The following PEX7 variants were observed in gnomAD, a reference collection of about 807,000 sequenced individuals.
PEX7 encodes the protein PTS2 receptor.
Under a neutral mutation model 47.5 loss-of-function variants are expected in PEX7, and 34 were observed. The observed-to-expected ratio is 0.72, with a 90% CI of 0.54 to 0.95. The LOEUF is 0.95. PEX7 is among the 40% of genes least tolerant of loss of function. The pLI is 0.00. For missense variants in PEX7, 394 were observed against 400.3 expected (o/e 0.98, Z 0.13); for synonymous variants, 141 against 148.8 (o/e 0.95, Z 0.38).
intron 8 of PEX7, among the ~76,000 whole-genome samples, chr6:136,895,218 A>G (rs1775628507): frequency 6.6e-6 from 1 of 152,216 alleles, no homozygotes; most frequent in Admixed American, 6.5e-5. Context: ...GTTGCTAATT[A>G]GAGAGTGAGA....
chr6:136,826,460 C>G lies in PEX7; in HGVS notation c.330C>G (p.His110Gln), dbSNP rs199648976. The G allele has an allele frequency of 3.1e-6, 5 of 1,613,828 alleles. No individual in the cohort carries two copies. The highest frequency in any genetic ancestry group is 1.7e-6 in the Non-Finnish European group (2 of 1,180,032). ...AAGPLQVYKE[H>Q]AQEVYSVDWS... ...GGCCACTGCAAGTCTATAAAGAACA[C>G]GCTCAGGAGGTAGGAGGGAAATCTT... Residue 110 changes from histidine to glutamine, a missense_variant, in exon 3 of 10, where the codon CAC (histidine) becomes CAG (glutamine). His to Gln is a conservative substitution (Grantham distance 24). Coordinates refer to ENST00000318471, the MANE Select transcript of PEX7 (RefSeq NM_000288.4).
intron 4 of PEX7, 104 bp from the exon 5 acceptor site, chr6:136,845,969 A>T (rs1214231159): frequency 2.7e-6 from 2 of 735,160 alleles, no homozygotes; most frequent in African/African-American, 3.5e-5. Flanking sequence ...TATATATTGT[A>T]TGCATATATA....
intron 8 of PEX7, among the ~76,000 whole-genome samples, chr6:136,876,472 A>G (rs1433705096): frequency 1.3e-5 from 2 of 152,078 alleles, no homozygotes; most frequent in Non-Finnish European, 2.9e-5. Context: ...TATTTCTCCT[A>G]ATGCTATCCC....
chr6:136,861,201 C>T (rs926137529), intron 5 of PEX7, among the ~76,000 whole-genome samples: 11 of 152,310 alleles, frequency 7.2e-5, no homozygotes, highest in African/African-American at 2.6e-4. Context: ...CCTCCCACCT[C>T]AGCCTCCTGA....
chr6:136,897,546 G>A (rs550293460), intron 8 of PEX7, among the ~76,000 whole-genome samples: 2 of 152,214 alleles, frequency 1.3e-5, no homozygotes, highest in South Asian at 4.1e-4. Flanking sequence ...TTGATTCTAG[G>A]AATTATATTG....
At chr6:136,871,709 T>A (rs1450747579) in intron 7 of PEX7, among the ~76,000 whole-genome samples, 1 of 152,082 alleles carries the variant, frequency 6.6e-6, no homozygotes, top group Non-Finnish European at 1.5e-5. Context: ...TAGGCATATG[T>A]GCCACCATGC....
rs1774596080 is a variant in PEX7, at chr6:136,846,175, G to C, written c.520G>C (p.Ala174Pro). 6.2e-7 allele frequency: 1 copy of C among 1,602,248 alleles called. No homozygotes were observed. ...CCACATCCCTGGTTGTTTTGCTTCA[G>C]CCTCAGGTAAATTATTCTGTATTTA... Reference protein sequence around the residue: ...SPHIPGCFASASGDQTLRIWD... With the variant: ...SPHIPGCFASPSGDQTLRIWD... Residue 174 changes from alanine to proline, a missense_variant, in exon 5 of 10, where the codon GCC becomes CCC. Transcript: ENST00000318471.
chr6:136,871,712 C>T (rs1209220448), intron 7 of PEX7, among the ~76,000 whole-genome samples: 1 of 152,046 alleles, frequency 6.6e-6, no homozygotes, highest in Non-Finnish European at 1.5e-5. Context: ...GCATATGTGC[C>T]ACCATGCCCA....
chr6:136,849,719 A>T (rs1038589784), intron 5 of PEX7, among the ~76,000 whole-genome samples: 3 of 152,102 alleles, frequency 2.0e-5, no homozygotes, highest in Admixed American at 2.0e-4. Flanking sequence ...TCCGGGAGAA[A>T]GTTTGTTATA....
Position 136,898,231 on chromosome 6 carries a change from G to A in PEX7, c.893G>A (p.Ser298Asn), listed in dbSNP as rs1345302218. Residue 298 changes from serine to asparagine, a missense_variant, in exon 9 of 10, where the codon AGC (serine) becomes AAC (asparagine). Coordinates refer to ENST00000318471, the MANE Select transcript of PEX7 (RefSeq NM_000288.4). ...TGTGGTTTAGACTTCAGTCTTCAGAGCCCCACTCAGGTAACGGATACAATC... is the reference window on the plus strand; with the variant it reads ...TGTGGTTTAGACTTCAGTCTTCAGAACCCCACTCAGGTAACGGATACAATC... The part of the protein sequence containing the change: ...FTCGLDFSLQ[S>N]PTQVADCSWD... 6 of 1,584,572 alleles carry A rather than the reference G, an allele frequency of 3.8e-6. No individual in the cohort carries two copies. In the African/African-American group the frequency reaches 8.1e-5, roughly 21 times the overall value.
chr6:136,837,660 C>T (rs1394208288), intron 3 of PEX7, among the ~76,000 whole-genome samples: 1 of 152,044 alleles, frequency 6.6e-6, no homozygotes, highest in Non-Finnish European at 1.5e-5. Flanking sequence ...AGCAGGAATG[C>T]AAGATATCTT....
chr6:136,824,400 A>G (rs542901975), intron 1 of PEX7, among the ~76,000 whole-genome samples: 1 of 152,188 alleles, frequency 6.6e-6, no homozygotes, highest in East Asian at 1.9e-4. Flanking sequence ...GAGACAGGGT[A>G]TCACTATGTT....
Position 136,844,483 on chromosome 6 carries a change from T to TA in PEX7, c.340-1131dup, listed in dbSNP as rs534858470. ...TTAACATATCCATCACTTGAATGGT[T>TA]ACCATTTTCTTGTGTGTGAGATAAG... is the stretch of plus-strand genomic sequence containing the variant. On this transcript the variant is annotated intron_variant, in intron 3 of 9. Transcript: ENST00000318471. 3.5e-3 allele frequency among the ~76,000 whole-genome samples: 531 copies of TA among 152,336 alleles called. 1 individual carries two copies. The highest frequency in any genetic ancestry group is 8.3e-3 in the South Asian group (40 of 4,830).
chr6:136,850,171 A>G (rs1774714123), intron 5 of PEX7, among the ~76,000 whole-genome samples: 1 of 151,196 alleles, frequency 6.6e-6, no homozygotes, highest in Non-Finnish European at 1.5e-5. Flanking sequence ...AGAGACTAGG[A>G]TTGCAACCTC....
chr6:136,904,257 T>C (rs541158485), intron 9 of PEX7, among the ~76,000 whole-genome samples: 1 of 152,374 alleles, frequency 6.6e-6, no homozygotes, highest in South Asian at 2.1e-4. Context: ...TAGTCTCTGC[T>C]GTTTCCTCAT....
intron 9 of PEX7, among the ~76,000 whole-genome samples, chr6:136,911,813 G>A (rs1775938161): frequency 1.3e-5 from 2 of 152,136 alleles, no homozygotes. Context: ...ATCTGGGAGT[G>A]GAATTACTGG....
chr6:136,857,577 G>T (rs1046022276), intron 5 of PEX7, among the ~76,000 whole-genome samples: 11 of 152,198 alleles, frequency 7.2e-5, no homozygotes, highest in African/African-American at 2.7e-4. Context: ...TTAAGGAGAG[G>T]TAATATAGCA....
Position 136,866,875 on chromosome 6 carries a change from G to C in PEX7, c.633+142G>C. 7 of 726,430 alleles carry C rather than the reference G, an allele frequency of 9.6e-6. No homozygotes were observed. The South Asian group carries it at 1.1e-4, about 11-fold the overall frequency. The allele number at this position is 726,430 out of a possible 1,614,324, so 45.0% of individuals were successfully genotyped here. ...TCTGTCCCTTTCCTTTCTAATTAAT[G>C]ATTGTGACTGACCTGCATTAGCATT... On this transcript the variant is annotated intron_variant, in intron 6 of 9. Coordinates refer to ENST00000318471, the MANE Select transcript of PEX7 (RefSeq NM_000288.4).
At chr6:136,897,187 G>C (rs572975147) in intron 8 of PEX7, among the ~76,000 whole-genome samples, 102 of 152,254 alleles carry the variant, frequency 6.7e-4, no homozygotes, top group African/African-American at 2.3e-3. Flanking sequence ...ATACCACCAG[G>C]TTAAACAAAC....
Sources: allele counts gnomAD v4.1 joint callset (sites outside exome capture counted in the v4.1 genomes callset), GRCh38; gene constraint gnomAD v4.1.1; transcripts MANE v1.5; gene names NCBI Gene and HGNC (gene_info 2026-07-23, HGNC 2026-07-21).